Variants in CDH4 observed in about 807,000 individuals in gnomAD.
CDH4 encodes cadherin 4.
A neutral mutation model predicts 86.0 loss-of-function variants in CDH4; 33 were observed. The ratio of observed to expected loss-of-function variants is 0.38; its 90% CI spans 0.29 to 0.51. CDH4 has a LOEUF of 0.51. Ranked by LOEUF, CDH4 falls within the 20% of genes least tolerant of loss-of-function variation. The pLI, the probability that CDH4 is intolerant of heterozygous loss-of-function variation, is 0.86. For missense variants in CDH4, 1,114 were observed against 1,307.4 expected (o/e 0.85, Z 2.28); for synonymous variants, 555 against 549.4 (o/e 1.01, Z -0.14).
In CDH4 at chr20:61,751,998, C is replaced by T. The variant is rs143958979; in HGVS notation, c.396+8209C>T. 1.7e-3 allele frequency among the ~76,000 whole-genome samples: 262 copies of T among 152,274 alleles called. 3 individuals carry two copies. Among genetic ancestry groups the T allele is most frequent in the African/African-American group, 5.9e-3 (247 of 41,566 alleles). ...GCTTCCTCGCACATGGCACGTGAAGCGTGAAACACGGGAAAGAATGATCAC... is the reference window on the plus strand; with the variant it reads ...GCTTCCTCGCACATGGCACGTGAAGTGTGAAACACGGGAAAGAATGATCAC... On this transcript the variant is annotated intron_variant, in intron 3 of 15. Coordinates refer to ENST00000614565, the MANE Select transcript of CDH4 (RefSeq NM_001794.5).
At chr20:61,566,034 G>A (rs150020673) in intron 2 of CDH4, among the ~76,000 whole-genome samples, 1,591 of 152,230 alleles carry the variant, frequency 0.01, 12 homozygotes, top group Middle Eastern at 0.024. Context: ...GCCCTTTCTC[G>A]GGTGCACAGT....
intron 2 of CDH4, among the ~76,000 whole-genome samples, chr20:61,474,901 C>T (rs375398894): frequency 2.6e-5 from 4 of 152,186 alleles, no homozygotes; most frequent in South Asian, 2.1e-4. Flanking sequence ...CAGAAGTGCA[C>T]GCTGCAGAGT....
intron 2 of CDH4, among the ~76,000 whole-genome samples, chr20:61,342,915 C>T (rs181845850): frequency 1.3e-5 from 2 of 152,262 alleles, no homozygotes; most frequent in East Asian, 3.8e-4. Flanking sequence ...CTCAAATGAA[C>T]ATTAGCCTCT....
At chr20:61,529,847 C>CT (rs1006393801) in intron 2 of CDH4, among the ~76,000 whole-genome samples, 13 of 151,868 alleles carry the variant, frequency 8.6e-5, no homozygotes, top group Admixed American at 3.9e-4. Context: ...CTTTTCTTTT[C>CT]TTTTTTTTGA....
intron 8 of CDH4, 86 bp downstream of exon 8, chr20:61,895,133 C>A (rs148554450): frequency 6.7e-7 from 1 of 1,483,374 alleles, no homozygotes; most frequent in Non-Finnish European, 9.2e-7. Context: ...TCTCTCTCTG[C>A]GGCTCTGCCT....
chr20:61,471,498 A>ATT lies in CDH4; in HGVS notation c.169+216568_169+216569dup, dbSNP rs138357591. ...CTTTCATTTCATTGATTTTTTTTGT[A>ATT]TTTTTTTTCAATTTTATTTATTTTT... On this transcript the variant is annotated intron_variant, in intron 2 of 15. Transcript: ENST00000614565. 4.9e-5 allele frequency among the ~76,000 whole-genome samples: 7 copies of ATT among 143,958 alleles called. No individual in the cohort carries two copies. The South Asian group carries it at 1.1e-3, about 23-fold the overall frequency. The allele number at this position is 143,958 out of a possible 152,430, so 94.4% of individuals were successfully genotyped here. A position where few individuals can be genotyped will look rare whatever the true frequency, so the allele number is the denominator to read the frequency against.
chr20:61,451,450 G>A (rs1297327428), intron 2 of CDH4, among the ~76,000 whole-genome samples: 6 of 152,164 alleles, frequency 3.9e-5, no homozygotes, highest in East Asian at 1.9e-4. Context: ...TAATAATACC[G>A]TTATATATCT....
At chr20:61,367,578 A>C (rs2084817810) in intron 2 of CDH4, among the ~76,000 whole-genome samples, 1 of 152,170 alleles carries the variant, frequency 6.6e-6, no homozygotes, top group Non-Finnish European at 1.5e-5. Flanking sequence ...AACCTTGAGC[A>C]TCAGAAACAA....
At chr20:61,852,149 A>C (rs1011212660) in intron 5 of CDH4, among the ~76,000 whole-genome samples, 1 of 150,220 alleles carries the variant, frequency 6.7e-6, no homozygotes, top group African/African-American at 2.5e-5. Context: ...CCCACCACCC[A>C]TATTCCCCTG....
intron 2 of CDH4, among the ~76,000 whole-genome samples, chr20:61,275,546 C>G (rs113373607): frequency 1.2e-4 from 7 of 59,868 alleles, no homozygotes; most frequent in Admixed American, 4.8e-4. Flanking sequence ...GGGGAGTACC[C>G]TGCGCAGTTT....
chr20:61,385,506 C>T (rs1434534929), intron 2 of CDH4, among the ~76,000 whole-genome samples: 1 of 152,164 alleles, frequency 6.6e-6, no homozygotes. Flanking sequence ...CGCTTCCTGT[C>T]TGTTCAGCTC....
At chr20:61,570,386 A>G in intron 2 of CDH4, 1 of 387,724 alleles carries the variant, frequency 2.6e-6, no homozygotes. Context: ...CCTGGTTGGG[A>G]CCAGACGGGC....
chr20:61,360,590 A>G (rs28699259), intron 2 of CDH4, among the ~76,000 whole-genome samples: 34,671 of 152,090 alleles, frequency 0.23, 4,487 homozygotes, highest in South Asian at 0.35. Context: ...AGAGCAAAGT[A>G]ACGGAGACAC....
At chr20:61,816,182 C>G (rs1357300837) in intron 4 of CDH4, among the ~76,000 whole-genome samples, 1 of 152,182 alleles carries the variant, frequency 6.6e-6, no homozygotes, top group South Asian at 2.1e-4. Context: ...GAGGTGCCAC[C>G]ATCATCTTCC....
rs1231088297 is a variant in CDH4, at chr20:61,697,716, T to A, written c.170-45847T>A. Among the ~76,000 whole-genome samples, 3 of 151,992 alleles carry A rather than the reference T, an allele frequency of 2.0e-5. No homozygotes were observed. The East Asian group carries it at 5.8e-4, about 29-fold the overall frequency. On this transcript the variant is annotated intron_variant, in intron 2 of 15. Transcript: ENST00000614565. ...CACTGAAATCTAAACTCATGGGCCCTCCCTGGAGGTGTATCTCCCCGGAGG... is the reference window on the plus strand; with the variant it reads ...CACTGAAATCTAAACTCATGGGCCCACCCTGGAGGTGTATCTCCCCGGAGG...
At chr20:61,700,498 G>A (rs914241716) in intron 2 of CDH4, among the ~76,000 whole-genome samples, 5 of 152,282 alleles carry the variant, frequency 3.3e-5, no homozygotes, top group African/African-American at 1.2e-4. Flanking sequence ...TTGGTAGCAC[G>A]TCAGCCCAGA....
At chr20:61,830,102 C>A (rs1402238135) in intron 4 of CDH4, among the ~76,000 whole-genome samples, 1 of 142,558 alleles carries the variant, frequency 7.0e-6, no homozygotes, top group Non-Finnish European at 1.5e-5. Context: ...CGCAGTTCTA[C>A]CCCCATGCCC....
chr20:61,253,528 G>T (rs571595685), intron 1 of CDH4, among the ~76,000 whole-genome samples: 2 of 152,016 alleles, frequency 1.3e-5, no homozygotes, highest in Non-Finnish European at 2.9e-5. Context: ...AGTGCCAGCG[G>T]CGGGAGGCCC....
At chr20:61,545,001 C>T (rs781692838) in intron 2 of CDH4, among the ~76,000 whole-genome samples, 5 of 152,170 alleles carry the variant, frequency 3.3e-5, no homozygotes, top group Non-Finnish European at 7.3e-5. Context: ...ACTGGGGCCC[C>T]GAGTGGACAA....
Sources: allele counts gnomAD v4.1 joint callset (sites outside exome capture counted in the v4.1 genomes callset), GRCh38; gene constraint gnomAD v4.1.1; transcripts MANE v1.5; gene names NCBI Gene and HGNC (gene_info 2026-07-23, HGNC 2026-07-21).